The following PPP2R5E variants were observed in gnomAD, a reference collection of about 807,000 sequenced individuals.
PPP2R5E encodes the protein serine/threonine-protein phosphatase 2A 56 kDa regulatory subunit epsilon isoform.
A neutral mutation model predicts 65.3 loss-of-function variants in PPP2R5E; 4 were observed. The ratio of observed to expected loss-of-function variants is 0.06; its 90% CI spans 0.03 to 0.14. PPP2R5E has a LOEUF of 0.14. PPP2R5E is among the 10% of genes least tolerant of loss of function. The probability of loss-of-function intolerance (pLI) is 1.00; values close to 1 mark genes in which losing one functional copy is unlikely to be tolerated. For missense variants in PPP2R5E, 274 were observed against 556.1 expected (o/e 0.49, Z 5.10); for synonymous variants, 183 against 187.4 (o/e 0.98, Z 0.19).
intron 2 of PPP2R5E, among the ~76,000 whole-genome samples, chr14:63,463,738 A>G (rs1344766475): frequency 6.6e-6 from 1 of 151,562 alleles, no homozygotes; most frequent in Non-Finnish European, 1.5e-5. Context: ...CTGGGAATAC[A>G]GGCGCCCGCC....
At chr14:63,537,732 G>A (rs566214889) in intron 2 of PPP2R5E, among the ~76,000 whole-genome samples, 34 of 152,084 alleles carry the variant, frequency 2.2e-4, no homozygotes, top group African/African-American at 8.2e-4. Flanking sequence ...CTGCAATAAT[G>A]AACTAGCAAA....
chr14:63,529,335 G>A (rs1008052293), intron 2 of PPP2R5E, among the ~76,000 whole-genome samples: 5 of 150,116 alleles, frequency 3.3e-5, no homozygotes, highest in East Asian at 2.0e-4. Context: ...GATTACAGGC[G>A]TGAGCCACCG....
At chr14:63,541,185 T>C (rs1445890827) in intron 1 of PPP2R5E, among the ~76,000 whole-genome samples, 1 of 152,224 alleles carries the variant, frequency 6.6e-6, no homozygotes, top group African/African-American at 2.4e-5. Flanking sequence ...TAGATTACTT[T>C]AAACAAAACA....
rs1310772032 is a variant in PPP2R5E at position 63,536,823 on chromosome 14, A to G, written c.157+2706T>C. On this transcript the variant is annotated intron_variant, in intron 2 of 13. Transcript: ENST00000337537. ...TTATAGGAGGTACCTAGAGTAGTCAAATTCATAGAAACAAAAAACAGAATG... is the reference window on the plus strand; with the variant it reads ...TTATAGGAGGTACCTAGAGTAGTCAGATTCATAGAAACAAAAAACAGAATG... Among the ~76,000 whole-genome samples the G allele has an allele frequency of 2.0e-5, 3 of 152,362 alleles. No individual in the cohort carries two copies. In the East Asian group the frequency reaches 5.8e-4, roughly 29 times the overall value.
At chr14:63,494,812 G>C (rs1422860142) in intron 2 of PPP2R5E, among the ~76,000 whole-genome samples, 2 of 151,772 alleles carry the variant, frequency 1.3e-5, no homozygotes, top group East Asian at 1.9e-4. Flanking sequence ...TGGGAGGATG[G>C]CTTGAGCCCA....
intron 2 of PPP2R5E, among the ~76,000 whole-genome samples, chr14:63,474,116 T>C (rs928352696): frequency 6.6e-6 from 1 of 152,212 alleles, no homozygotes; most frequent in Admixed American, 6.5e-5. Context: ...AGGAGGCAAC[T>C]GTTACAGAAT....
intron 4 of PPP2R5E, among the ~76,000 whole-genome samples, chr14:63,416,866 T>C (rs1162453110): frequency 6.6e-6 from 1 of 152,176 alleles, no homozygotes; most frequent in Non-Finnish European, 1.5e-5. Context: ...TTGGTTTAAG[T>C]ATACAAAGAA....
chr14:63,399,541 C>T (rs1885626777), intron 5 of PPP2R5E, among the ~76,000 whole-genome samples: 1 of 151,734 alleles, frequency 6.6e-6, no homozygotes, highest in Non-Finnish European at 1.5e-5. Flanking sequence ...ATAAAAACAT[C>T]CTGCAATGAT....
intron 3 of PPP2R5E, among the ~76,000 whole-genome samples, chr14:63,448,864 T>C: frequency 6.6e-6 from 1 of 151,868 alleles, no homozygotes; most frequent in Non-Finnish European, 1.5e-5. Flanking sequence ...GATTTGTTTA[T>C]ACCCATAAGA....
chr14:63,406,922 T>C (rs1886123450), intron 5 of PPP2R5E, among the ~76,000 whole-genome samples: 1 of 152,200 alleles, frequency 6.6e-6, no homozygotes, highest in African/African-American at 2.4e-5. Context: ...AGGTAAGACA[T>C]GACAGGCTAA....
At chr14:63,435,971 C>T (rs1038292213) in intron 3 of PPP2R5E, among the ~76,000 whole-genome samples, 1 of 152,126 alleles carries the variant, frequency 6.6e-6, no homozygotes, top group Non-Finnish European at 1.5e-5. Context: ...CAAAAATAGA[C>T]GTGTAAACAT....
At chr14:63,514,717 C>A (rs942100947) in intron 2 of PPP2R5E, among the ~76,000 whole-genome samples, 3 of 152,088 alleles carry the variant, frequency 2.0e-5, no homozygotes, top group African/African-American at 7.2e-5. Context: ...AGAATACAAT[C>A]GTAAATGGAC....
intron 2 of PPP2R5E, among the ~76,000 whole-genome samples, chr14:63,521,962 C>T (rs1255761): frequency 0.031 from 4,130 of 131,654 alleles, 230 homozygotes; most frequent in African/African-American, 0.12. Flanking sequence ...CCTCCCCCTC[C>T]CCCTCTCCCC....
chr14:63,525,275 T>C (rs541966304), intron 2 of PPP2R5E, among the ~76,000 whole-genome samples: 17 of 152,318 alleles, frequency 1.1e-4, no homozygotes, highest in Admixed American at 1.1e-3. Flanking sequence ...GAAAAATGTT[T>C]CTTTACAGGC....
chr14:63,382,183 G>T, intron 12 of PPP2R5E, 26 bp from the exon 13 acceptor site: 1 of 1,565,592 alleles, frequency 6.4e-7, no homozygotes. Context: ...AAAAAGGAGT[G>T]TGTTAGTTAG....
At position 63,497,771 on chromosome 14, in the gene PPP2R5E, A is replaced by C. The variant is rs548848735; in HGVS notation, c.157+41758T>G. Among the ~76,000 whole-genome samples, 239 of 151,990 alleles carry C rather than the reference A, an allele frequency of 1.6e-3. 1 individual carries two copies. The highest frequency in any genetic ancestry group is 6.8e-3 in the South Asian group (33 of 4,818). ...TCAAAAAAACAAACAAACAAACAAAAAAAAACAAACACAAAAAACACATGA... is the reference window on the plus strand; with the variant it reads ...TCAAAAAAACAAACAAACAAACAAACAAAAACAAACACAAAAAACACATGA... On this transcript the variant is annotated intron_variant, in intron 2 of 13. Coordinates refer to ENST00000337537, the MANE Select transcript of PPP2R5E (RefSeq NM_006246.5).
chr14:63,482,484 CTG>C (rs1890761394), intron 2 of PPP2R5E, among the ~76,000 whole-genome samples: 1 of 151,974 alleles, frequency 6.6e-6, no homozygotes, highest in Non-Finnish European at 1.5e-5. Context: ...CAAAAAAAAA[CTG>C]TTGCCATGAG....
At chr14:63,441,802 C>G (rs1380368927) in intron 3 of PPP2R5E, among the ~76,000 whole-genome samples, 1 of 151,160 alleles carries the variant, frequency 6.6e-6, no homozygotes, top group Non-Finnish European at 1.5e-5. Context: ...CCCAGCTACT[C>G]GGGAGGCTGA....
At chr14:63,539,226 C>A (rs1893790295) in intron 2 of PPP2R5E, among the ~76,000 whole-genome samples, 1 of 152,100 alleles carries the variant, frequency 6.6e-6, no homozygotes. Flanking sequence ...TAAACGTCAA[C>A]AGAAGAAAAA....
Sources: allele counts gnomAD v4.1 joint callset (sites outside exome capture counted in the v4.1 genomes callset), GRCh38; gene constraint gnomAD v4.1.1; transcripts MANE v1.5; gene names NCBI Gene and HGNC (gene_info 2026-07-23, HGNC 2026-07-21).